SLAIN1: variants seen among roughly 807,000 people sequenced by gnomAD.
The protein encoded by SLAIN1 is SLAIN family member 1, also known as SLAIN motif-containing protein 1.
SLAIN1 carries 17 observed loss-of-function variants against 55.4 expected under a neutral mutation model. That is an observed-to-expected ratio of 0.31 (90% CI 0.21 to 0.46). The LOEUF is 0.46. SLAIN1 is among the 20% of genes least tolerant of loss of function. The pLI is 1.00. For synonymous variants in SLAIN1, 348 were observed against 337.4 expected (o/e 1.03, Z -0.35); for missense variants, 682 against 785.1 (o/e 0.87, Z 1.57).
At chr13:77,710,084 A>G (rs1456972111) in intron 1 of SLAIN1, among the ~76,000 whole-genome samples, 1 of 152,128 alleles carries the variant, frequency 6.6e-6, no homozygotes, top group African/African-American at 2.4e-5. Context: ...GGAAGAACTA[A>G]CAATGGAAAG....
chr13:77,703,333 T>C (rs1279678), intron 1 of SLAIN1, among the ~76,000 whole-genome samples: 25,520 of 152,122 alleles, frequency 0.17, 2,530 homozygotes, highest in African/African-American at 0.29. Flanking sequence ...TTGCCAATTT[T>C]TCATCAAAGC....
chr13:77,752,657 G>A (rs189028505), intron 4 of SLAIN1, among the ~76,000 whole-genome samples: 1 of 152,144 alleles, frequency 6.6e-6, no homozygotes, highest in East Asian at 1.9e-4. Flanking sequence ...TAGGGAAGCC[G>A]CCAGTGCAGC....
At chr13:77,726,999 TAATGTTA>T in intron 2 of SLAIN1, among the ~76,000 whole-genome samples, 1 of 152,340 alleles carries the variant, frequency 6.6e-6, no homozygotes, top group Non-Finnish European at 1.5e-5. Flanking sequence ...TTACAGAAAG[TAATGTTA>T]AAAGTGAAAT....
At chr13:77,743,098 C>T (rs922035404) in intron 2 of SLAIN1, 2 of 1,303,384 alleles carry the variant, frequency 1.5e-6, no homozygotes, top group South Asian at 2.5e-5. Context: ...GCCCTTATAG[C>T]AATGGCATTA....
At chr13:77,742,695 T>A (rs1344303073) in intron 2 of SLAIN1, 2 of 152,576 alleles carry the variant, frequency 1.3e-5, no homozygotes, top group Non-Finnish European at 2.9e-5. Flanking sequence ...AAACACTAAA[T>A]CCTTATGTGG....
intron 5 of SLAIN1, among the ~76,000 whole-genome samples, chr13:77,759,859 T>G (rs1193942098): frequency 6.6e-6 from 1 of 152,182 alleles, no homozygotes; most frequent in Non-Finnish European, 1.5e-5. Context: ...GATTTTGCCT[T>G]GTATAATTAA....
In SLAIN1 at chr13:77,698,956, A is replaced by G. The variant is rs1348992708; in HGVS notation, c.626+417A>G. The G allele has an allele frequency of 3.9e-6, 6 of 1,533,884 alleles. No homozygotes were observed. The highest frequency in any genetic ancestry group is 5.2e-6 in the Non-Finnish European group (6 of 1,146,716). On this transcript the variant is annotated intron_variant, in intron 1 of 6. Coordinates refer to ENST00000418532, the MANE Select transcript of SLAIN1 (RefSeq NM_001242868.2). The surrounding 1 kb of genome is among the most constrained non-coding windows in gnomAD (Gnocchi z 4.1). ...GGGTTGGCCTCTGTCTGCGACTGTT[A>G]CTGTTCTTTCGTTTTAAACGAACGC...
chr13:77,731,394 A>G (rs1872854416), intron 2 of SLAIN1, among the ~76,000 whole-genome samples: 1 of 152,200 alleles, frequency 6.6e-6, no homozygotes, highest in African/African-American at 2.4e-5. Context: ...TAAGTGTAGG[A>G]GCAAAAGAAA....
At chr13:77,743,484 T>G (rs1225044178) in intron 2 of SLAIN1, 4 of 108,182 alleles carry the variant, frequency 3.7e-5, no homozygotes, top group Admixed American at 2.3e-4. Flanking sequence ...TATTCAAGAT[T>G]GTAAGTCTGT....
At chr13:77,723,425 G>A (rs952056014) in intron 2 of SLAIN1, among the ~76,000 whole-genome samples, 1 of 152,066 alleles carries the variant, frequency 6.6e-6, no homozygotes, top group African/African-American at 2.4e-5. Flanking sequence ...TGCTTTTTTG[G>A]GAGAGTAGAG....
chr13:77,759,695 G>C (rs1011450435), intron 5 of SLAIN1, among the ~76,000 whole-genome samples: 29 of 152,102 alleles, frequency 1.9e-4, no homozygotes, highest in African/African-American at 6.5e-4. Context: ...CTGTTGAGAT[G>C]ATCATATAGT....
chr13:77,702,178 T>C (rs936240830), intron 1 of SLAIN1, among the ~76,000 whole-genome samples: 1 of 151,800 alleles, frequency 6.6e-6, no homozygotes, highest in Non-Finnish European at 1.5e-5. Context: ...TGTTGGACAT[T>C]TGGGTTGGTT....
At chr13:77,732,758 A>G (rs78164020) in intron 2 of SLAIN1, among the ~76,000 whole-genome samples, 1,823 of 152,182 alleles carry the variant, frequency 0.012, 34 homozygotes, top group East Asian at 0.018. Context: ...CTGGTCCTGG[A>G]TAATACTGGA....
intron 6 of SLAIN1, among the ~76,000 whole-genome samples, chr13:77,762,238 T>A (rs142576548): frequency 6.6e-6 from 1 of 152,298 alleles, no homozygotes; most frequent in African/African-American, 2.4e-5. Context: ...CTGACTAGAA[T>A]CACATTATTT....
At chr13:77,717,565 T>G (rs796691552) in intron 1 of SLAIN1, among the ~76,000 whole-genome samples, 8 of 152,236 alleles carry the variant, frequency 5.3e-5, no homozygotes, top group African/African-American at 1.7e-4. Context: ...TATAATTGAG[T>G]CTTTTGTGAC....
intron 1 of SLAIN1, among the ~76,000 whole-genome samples, chr13:77,702,647 A>G (rs949021688): frequency 4.6e-5 from 7 of 152,062 alleles, no homozygotes; most frequent in African/African-American, 1.2e-4. Flanking sequence ...AAGCTCTTCT[A>G]GTTACTGATA....
In SLAIN1 at chr13:77,707,144, TGTAAC is replaced by T. The variant is rs569589673; in HGVS notation, c.626+8606_626+8610del. ...TCTTTCTTTCTTTTTTTTAAGAACT[TGTAAC>T]AGACAGATGTAGGTCATTCCATCTG... is the stretch of plus-strand genomic sequence containing the variant. On this transcript the variant is annotated intron_variant, in intron 1 of 6. Transcript: ENST00000418532. Among the ~76,000 whole-genome samples, 29 of 152,176 alleles carry T rather than the reference TGTAAC, an allele frequency of 1.9e-4. No homozygotes were observed. In the South Asian group the frequency reaches 5.4e-3, roughly 28 times the overall value.
chr13:77,754,999 C>T (rs543467457), intron 5 of SLAIN1, among the ~76,000 whole-genome samples: 9 of 152,034 alleles, frequency 5.9e-5, no homozygotes, highest in South Asian at 2.1e-4. Flanking sequence ...TAGTAGAAAC[C>T]GAGAGGACTA....
chr13:77,698,760 G>A lies in SLAIN1; in HGVS notation c.626+221G>A. On this transcript the variant is annotated intron_variant, in intron 1 of 6. Coordinates refer to ENST00000418532, the MANE Select transcript of SLAIN1 (RefSeq NM_001242868.2). This position sits in a 1 kb window ranked among gnomAD's most constrained non-coding sequence, Gnocchi z 4.1. Reference sequence around the variant, plus strand: ...AACCTGTTTTCTAATCGCTCCGACTGCGGATGAACCGGCCCCCCCTTCCCC... The same window carrying A: ...AACCTGTTTTCTAATCGCTCCGACTACGGATGAACCGGCCCCCCCTTCCCC... 2.6e-6 allele frequency: 3 copies of A among 1,150,556 alleles called. No individual in the cohort carries two copies. Among genetic ancestry groups the A allele is most frequent in the Non-Finnish European group, 3.5e-6 (3 of 850,876 alleles). The allele number at this position is 1,150,556 out of a possible 1,614,324, so 71.3% of individuals were successfully genotyped here.
Sources: gnomAD v4.1 joint callset for allele counts (sites outside exome capture counted in the v4.1 genomes callset) on GRCh38, gnomAD v4.1.1 for gene constraint, Gnocchi (gnomAD v3.1) non-coding constraint, MANE v1.5 for transcripts, NCBI Gene and HGNC (gene_info 2026-07-23, HGNC 2026-07-21) for gene names.